The following CNBD1 variants were observed in gnomAD, a reference collection of about 807,000 sequenced individuals.
CNBD1 encodes the protein cyclic nucleotide binding domain containing 1.
Under a neutral mutation model 54.4 loss-of-function variants are expected in CNBD1, and 71 were observed. That is an observed-to-expected ratio of 1.30 (90% confidence interval 1.08 to 1.59). The LOEUF (loss-of-function observed/expected upper bound fraction) is 1.59. Among genes scored for constraint, CNBD1 ranks in the 40% most tolerant of loss-of-function variants. The pLI is 0.00. For missense variants in CNBD1, 659 were observed against 518.0 expected, an observed-to-expected ratio of 1.27 and a Z score of -2.64; for synonymous variants, 182 against 170.7, an observed-to-expected ratio of 1.07 and a Z score of -0.51.
At chr8:87,063,719 G>T (rs1810590354) in intron 4 of CNBD1, among the ~76,000 whole-genome samples, 1 of 151,958 alleles carries the variant, frequency 6.6e-6, no homozygotes, top group Non-Finnish European at 1.5e-5. Context: ...CATATTTTCA[G>T]TATTGAGTCT....
intron 4 of CNBD1, among the ~76,000 whole-genome samples, chr8:87,093,083 C>T (rs764896665): frequency 2.0e-5 from 3 of 152,138 alleles, no homozygotes; most frequent in Non-Finnish European, 4.4e-5. Flanking sequence ...TTTCTTCTCC[C>T]TCTGACTTCT....
At chr8:87,236,502 G>A (rs1353028900) in intron 5 of CNBD1, among the ~76,000 whole-genome samples, 2 of 152,002 alleles carry the variant, frequency 1.3e-5, no homozygotes, top group Non-Finnish European at 2.9e-5. Context: ...AAAATTAAGG[G>A]TAGGTATATA....
intron 2 of CNBD1, among the ~76,000 whole-genome samples, chr8:87,406,194 G>A (rs1043031154): frequency 1.3e-5 from 2 of 151,908 alleles, no homozygotes; most frequent in Admixed American, 1.3e-4. Context: ...CTAAGCCATT[G>A]AGTCCAATCT....
intron 8 of CNBD1, among the ~76,000 whole-genome samples, chr8:87,288,857 A>G (rs988361975): frequency 1.3e-5 from 2 of 152,096 alleles, no homozygotes; most frequent in Non-Finnish European, 2.9e-5. Context: ...AAGAATGACA[A>G]TTTCATCTGA....
In CNBD1 at chr8:87,178,659, G is replaced by A. The variant is rs1813247805; in HGVS notation, c.432-27334G>A. ...GTATTGAGCAAAGGTGTAAACAGAG[G>A]GAATATTTAAGAGAGTACTACATTA... On this transcript the variant is annotated intron_variant, in intron 4 of 10. Coordinates refer to ENST00000518476, the MANE Select transcript of CNBD1 (RefSeq NM_173538.3). Among the ~76,000 whole-genome samples the A allele has an allele frequency of 2.0e-5, 3 of 152,202 alleles. No homozygotes were observed. The South Asian group carries it at 6.2e-4, about 32-fold the overall frequency.
In CNBD1 at chr8:87,292,185, T is replaced by C. The variant is rs1035814314; in HGVS notation, c.1042+5514T>C. 9.2e-5 allele frequency among the ~76,000 whole-genome samples: 14 copies of C among 152,224 alleles called. 1 individual carries two copies. The highest frequency in any genetic ancestry group is 2.6e-4 in the Admixed American group (4 of 15,276). On this transcript the variant is annotated intron_variant, in intron 8 of 10. Coordinates refer to ENST00000518476, the MANE Select transcript of CNBD1 (RefSeq NM_173538.3). ...TATTGCTTTGCTATCTTTGAGTAGA[T>C]GTTTTACAGAATTGCATCGTTGCAA...
intron 6 of CNBD1, among the ~76,000 whole-genome samples, chr8:87,262,043 A>G (rs1490349381): frequency 1.3e-5 from 2 of 151,842 alleles, no homozygotes; most frequent in African/African-American, 4.8e-5. Context: ...AGTCCCAGCT[A>G]CTTTGAGGGC....
At chr8:86,937,187 T>C (rs1415448014) in intron 3 of CNBD1, among the ~76,000 whole-genome samples, 1 of 152,074 alleles carries the variant, frequency 6.6e-6, no homozygotes, top group Admixed American at 6.6e-5. Context: ...AGACAGAACT[T>C]GTGTAGGAGA....
rs189938742 is a variant in CNBD1 at position 87,313,904 on chromosome 8, C to T, written c.1042+27233C>T. Reference sequence around the variant, plus strand: ...TACCAAGGCAAAAAATTGTGTTTACCCCCATTTTGTACCTTGCATTTTCTA... The same window carrying T: ...TACCAAGGCAAAAAATTGTGTTTACTCCCATTTTGTACCTTGCATTTTCTA... On this transcript the variant is annotated intron_variant, in intron 8 of 10. Coordinates refer to ENST00000518476, the MANE Select transcript of CNBD1 (RefSeq NM_173538.3). Among the ~76,000 whole-genome samples, 593 of 151,674 alleles carry T rather than the reference C, an allele frequency of 3.9e-3. 10 individuals carry two copies. Among genetic ancestry groups the T allele is most frequent in the Non-Finnish European group, 2.6e-3 (174 of 67,816 alleles).
At chr8:87,117,768 G>A (rs1811804903) in intron 4 of CNBD1, among the ~76,000 whole-genome samples, 2 of 152,034 alleles carry the variant, frequency 1.3e-5, no homozygotes, top group African/African-American at 4.8e-5. Flanking sequence ...GAGACAAAAG[G>A]TACTCCAAAT....
intron 4 of CNBD1, among the ~76,000 whole-genome samples, chr8:87,033,630 C>T (rs991939433): frequency 1.3e-4 from 20 of 152,302 alleles, no homozygotes; most frequent in African/African-American, 4.8e-4. Flanking sequence ...TGTCTTAAAT[C>T]GTGGTGCTCA....
At chr8:86,943,846 AG>A (rs1395875030) in intron 4 of CNBD1, among the ~76,000 whole-genome samples, 2 of 152,122 alleles carry the variant, frequency 1.3e-5, no homozygotes, top group African/African-American at 4.8e-5. Flanking sequence ...GAAGAATATC[AG>A]GTAGCTCTCA....
chr8:86,892,274 T>C (rs1196763945), intron 2 of CNBD1, among the ~76,000 whole-genome samples: 1 of 152,128 alleles, frequency 6.6e-6, no homozygotes, highest in African/African-American at 2.4e-5. Flanking sequence ...CAAATACTTA[T>C]AAAAACTATA....
chr8:87,241,040 G>A (rs1174780616), intron 6 of CNBD1, among the ~76,000 whole-genome samples: 1 of 152,064 alleles, frequency 6.6e-6, no homozygotes, highest in Non-Finnish European at 1.5e-5. Context: ...CTCACTCTGA[G>A]CCCAGAGGTC....
rs76517095 is a variant in CNBD1, at chr8:87,382,775, C to T, written c.*148C>T. 24 of 476,608 alleles carry T rather than the reference C, an allele frequency of 5.0e-5. No individual in the cohort carries two copies. The highest frequency in any genetic ancestry group is 2.1e-4 in the South Asian group (4 of 18,610). The allele number at this position is 476,608 out of a possible 1,614,324, so 29.5% of individuals were successfully genotyped here. On this transcript the variant is annotated 3_prime_UTR_variant, in exon 11 of 11. Coordinates refer to ENST00000518476, the MANE Select transcript of CNBD1 (RefSeq NM_173538.3). ...GGATTCCCCAGGAAAGTCCCACTTT[C>T]GAATTGCCTTTCAAACACAGTTTTT...
At chr8:87,329,751 T>A (rs1809777464) in intron 8 of CNBD1, among the ~76,000 whole-genome samples, 1 of 152,038 alleles carries the variant, frequency 6.6e-6, no homozygotes, top group African/African-American at 2.4e-5. Flanking sequence ...TAACCTTGTA[T>A]CCGCAACCCT....
downstream of CNBD1, among the ~76,000 whole-genome samples, chr8:87,387,580 A>G (rs370626767): frequency 6.6e-6 from 1 of 152,224 alleles, no homozygotes; most frequent in African/African-American, 2.4e-5. Flanking sequence ...TATGCACCCA[A>G]TACAGGAGCA....
chr8:86,896,540 T>G (rs75865617), intron 2 of CNBD1, among the ~76,000 whole-genome samples: 4,520 of 152,266 alleles, frequency 0.03, 88 homozygotes, highest in Non-Finnish European at 0.044. Context: ...AATTTATTAC[T>G]AAATTGGGTT....
chr8:87,170,328 T>C (rs1261636531), intron 4 of CNBD1, among the ~76,000 whole-genome samples: 1 of 152,094 alleles, frequency 6.6e-6, no homozygotes. Context: ...TATAAGATTA[T>C]ATATATTCCA....
Sources: gnomAD v4.1 joint callset for allele counts (sites outside exome capture counted in the v4.1 genomes callset) on GRCh38, gnomAD v4.1.1 for gene constraint, MANE v1.5 for transcripts, NCBI Gene and HGNC (gene_info 2026-07-23, HGNC 2026-07-21) for gene names.